MPDZ: variants seen among roughly 807,000 people sequenced by gnomAD.
The protein encoded by MPDZ is multiple PDZ domain crumbs cell polarity complex component.
In MPDZ, 234 loss-of-function variants were observed where a neutral mutation model predicts 239.1. That is an observed-to-expected ratio of 0.98 (90% CI 0.88 to 1.09). MPDZ has a LOEUF of 1.09. Among genes scored for constraint, MPDZ ranks in the 50% least tolerant of loss-of-function variants. The probability of loss-of-function intolerance (pLI) is 0.00; values close to 1 mark genes in which losing one functional copy is unlikely to be tolerated. For synonymous variants in MPDZ, 1,048 were observed against 881.3 expected, an observed-to-expected ratio of 1.19 and a Z score of -3.35; for missense variants, 3,175 against 2,510.0, an observed-to-expected ratio of 1.26 and a Z score of -5.66.
intron 39 of MPDZ, among the ~76,000 whole-genome samples, chr9:13,116,303 G>GT (rs1290457682): frequency 6.6e-6 from 1 of 152,166 alleles, no homozygotes; most frequent in African/African-American, 2.4e-5. Flanking sequence ...TGTAATGGAT[G>GT]TTTAACCTTA....
intron 1 of MPDZ, among the ~76,000 whole-genome samples, chr9:13,261,706 G>T (rs1970724311): frequency 6.6e-6 from 1 of 151,962 alleles, no homozygotes; most frequent in African/African-American, 2.4e-5. Context: ...GCCATAAGCT[G>T]CCACCAAATA....
chr9:13,106,599 T>C lies in MPDZ; in HGVS notation c.*366A>G, dbSNP rs3264. On this transcript the variant is annotated 3_prime_UTR_variant, in exon 47 of 47. Coordinates refer to ENST00000319217, the MANE Select transcript of MPDZ (RefSeq NM_001378778.1). The stretch of plus-strand genomic sequence containing the variant: ...TTTATATTTTCATTTTTCATCCTAA[T>C]TTACTGAAGCCATTTTCTTTGGTTA... 0.37 allele frequency: 60,190 copies of C among 164,138 alleles called. 11,351 individuals carry two copies. Among genetic ancestry groups the C allele is most frequent in the Middle Eastern group, 0.39 (138 of 354 alleles). The allele number at this position is 164,138 out of a possible 1,614,324, so 10.2% of individuals were successfully genotyped here. A position where few individuals can be genotyped will look rare whatever the true frequency, so the allele number is the denominator to read the frequency against.
intron 22 of MPDZ, among the ~76,000 whole-genome samples, chr9:13,163,436 G>A (rs773984088): frequency 3.9e-5 from 6 of 152,046 alleles, no homozygotes; most frequent in African/African-American, 7.2e-5. Flanking sequence ...CTATTTACAC[G>A]TGAATGGCCA....
Position 13,125,202 on chromosome 9 carries a change from T to C in MPDZ, c.4807+14A>G, listed in dbSNP as rs2297003. On this transcript the variant is annotated intron_variant, in intron 35 of 46. Transcript: ENST00000319217. ...TCCATATGTGCAGGACTCTCATGAG[T>C]CCAGAGGCCTTACTTCGGATGGACT... The C allele has an allele frequency of 0.67, 1,055,122 of 1,572,996 alleles. 357,347 individuals carry two copies. The highest frequency in any genetic ancestry group is 0.69 in the Non-Finnish European group (797,702 of 1,157,288).
intron 8 of MPDZ, among the ~76,000 whole-genome samples, chr9:13,219,348 A>G: frequency 6.6e-6 from 1 of 152,008 alleles, no homozygotes; most frequent in East Asian, 1.9e-4. Flanking sequence ...ATAATCTAGC[A>G]TGTTTAAGCA....
At chr9:13,217,139 T>C in intron 9 of MPDZ, 41 bp downstream of exon 9, 4 of 1,229,596 alleles carry the variant, frequency 3.3e-6, no homozygotes, top group South Asian at 2.7e-5. Context: ...ATATCAGAGG[T>C]AATTGTCAAG....
chr9:13,185,780 C>G (rs1433722927), intron 18 of MPDZ, among the ~76,000 whole-genome samples: 1 of 152,006 alleles, frequency 6.6e-6, no homozygotes, highest in Non-Finnish European at 1.5e-5. Flanking sequence ...AGTATACTTA[C>G]ATATATGTAT....
chr9:13,279,122 G>A (rs1974967241), intron 1 of MPDZ: 1 of 151,718 alleles, frequency 6.6e-6, no homozygotes, highest in Admixed American at 6.6e-5. Flanking sequence ...GGAGACTTGC[G>A]AGTAGCAAAG....
At position 13,106,817 on chromosome 9, in the gene MPDZ, A is replaced by T; in HGVS notation, c.*148T>A. Reference sequence around the variant, plus strand: ...GGTTGTCAGTAAGGAAAGCATTTCTAGATGAGAAAAAGAAACTTAAGTGTT... The same window carrying T: ...GGTTGTCAGTAAGGAAAGCATTTCTTGATGAGAAAAAGAAACTTAAGTGTT... On this transcript the variant is annotated 3_prime_UTR_variant, in exon 47 of 47. Transcript: ENST00000319217. The T allele has an allele frequency of 1.2e-6, 1 of 805,208 alleles. No individual in the cohort carries two copies. The highest frequency in any genetic ancestry group is 1.9e-6 in the Non-Finnish European group (1 of 529,664). The allele number at this position is 805,208 out of a possible 1,614,324, so 49.9% of individuals were successfully genotyped here.
chr9:13,253,504 T>G (rs1968646255), intron 1 of MPDZ, among the ~76,000 whole-genome samples: 1 of 152,040 alleles, frequency 6.6e-6, no homozygotes, highest in Admixed American at 6.6e-5. Flanking sequence ...TTAGATAGAG[T>G]CCATTCCCTT....
At chr9:13,145,891 C>G (rs1001830138) in intron 26 of MPDZ, among the ~76,000 whole-genome samples, 1 of 151,544 alleles carries the variant, frequency 6.6e-6, no homozygotes, top group Non-Finnish European at 1.5e-5. Flanking sequence ...ATAGTATTGT[C>G]CCAAATGATG....
intron 10 of MPDZ, among the ~76,000 whole-genome samples, chr9:13,210,594 A>C (rs577943578): frequency 6.6e-6 from 1 of 152,082 alleles, no homozygotes; most frequent in African/African-American, 2.4e-5. Context: ...GTGGAGCCAG[A>C]GGAAACTTCT....
intron 12 of MPDZ, 135 bp from the exon 13 acceptor site, chr9:13,196,365 AT>A (rs1218151133): frequency 4.1e-6 from 2 of 492,138 alleles, no homozygotes; most frequent in Middle Eastern, 2.8e-4. Flanking sequence ...GGCTATTCTC[AT>A]CTCCATAATT....
Position 13,192,311 on chromosome 9 carries a change from C to G in MPDZ, c.1804-16G>C. The G allele has an allele frequency of 6.3e-7, 1 of 1,580,328 alleles. No homozygotes were observed. The highest frequency in any genetic ancestry group is 8.6e-7 in the Non-Finnish European group (1 of 1,160,882). On this transcript the variant is annotated splice_polypyrimidine_tract_variant and intron_variant, in intron 14 of 46. Coordinates refer to ENST00000319217, the MANE Select transcript of MPDZ (RefSeq NM_001378778.1). ...TGCCATTTACCTGTGAAAAAAGATA[C>G]ATTGTCCAACAAACAACACTTCATA...
intron 3 of MPDZ, among the ~76,000 whole-genome samples, chr9:13,235,400 CTAAAA>C (rs1306098179): frequency 6.6e-6 from 1 of 152,124 alleles, no homozygotes; most frequent in African/African-American, 2.4e-5. Flanking sequence ...TATTGAGCAT[CTAAAA>C]TGTCTTAAAC....
Position 13,121,813 on chromosome 9 carries a change from T to C in MPDZ, c.5157A>G (p.Glu1719=). The change falls in exon 38 of 47, where the codon GAA becomes GAG. Residue 1719 remains glutamate (E), a synonymous_variant. Transcript: ENST00000319217. ...YRDEAPYKEE[E]VCDTLTIELQ... is the part of the protein sequence containing the mutation. ...GCTCAATAGTGAGGGTGTCACACAC[T>C]TCCTCCTCTTTGTATGGGGCCTCAT... is the stretch of plus-strand genomic sequence containing the variant. 6.2e-7 allele frequency: 1 copy of C among 1,614,006 alleles called. No homozygotes were observed. Among genetic ancestry groups the C allele is most frequent in the Non-Finnish European group, 8.5e-7 (1 of 1,179,890 alleles).
chr9:13,125,517 T>C lies in MPDZ; in HGVS notation c.4633-127A>G, dbSNP rs565667311. ...TAAGGGGAGGGACAGATGCAAATTA[T>C]TTCTTTGTCAGGACTTGGGTAAAGA... On this transcript the variant is annotated intron_variant, in intron 34 of 46. Coordinates refer to ENST00000319217, the MANE Select transcript of MPDZ (RefSeq NM_001378778.1). The C allele has an allele frequency of 6.7e-5, 55 of 825,058 alleles. No homozygotes were observed. The East Asian group carries it at 1.5e-3, about 23-fold the overall frequency. 51.1% of individuals were successfully genotyped at this position (825,058 alleles called of 1,614,324 possible). A position where few individuals can be genotyped will look rare whatever the true frequency, so the allele number is the denominator to read the frequency against.
intron 3 of MPDZ, among the ~76,000 whole-genome samples, chr9:13,228,965 A>G: frequency 6.6e-6 from 1 of 152,152 alleles, no homozygotes. Flanking sequence ...TGAATAGACA[A>G]CTGTTTAGTG....
intron 34 of MPDZ, 76 bp downstream of exon 34, chr9:13,126,440 T>C: frequency 4.1e-6 from 4 of 967,380 alleles, no homozygotes; most frequent in Non-Finnish European, 6.3e-6. Flanking sequence ...TAATTCTCTA[T>C]GATCGCAGAC....
Sources: gnomAD v4.1 joint callset for allele counts (sites outside exome capture counted in the v4.1 genomes callset) on GRCh38, gnomAD v4.1.1 for gene constraint, MANE v1.5 for transcripts, NCBI Gene and HGNC (gene_info 2026-07-23, HGNC 2026-07-21) for gene names.